ULK4: variants seen among roughly 807,000 people sequenced by gnomAD.
The protein encoded by ULK4 is inactive serine/threonine-protein kinase ULK4.
ULK4 carries 133 observed loss-of-function variants against 160.6 expected under a neutral mutation model. That is an observed-to-expected ratio of 0.83 (90% CI 0.72 to 0.96). ULK4 has a LOEUF of 0.96. Ranked by LOEUF, ULK4 falls within the 40% of genes least tolerant of loss-of-function variation. The probability of loss-of-function intolerance (pLI) is 0.00; values close to 1 mark genes in which losing one functional copy is unlikely to be tolerated. For missense variants in ULK4, 1,580 were observed against 1,499.5 expected, an observed-to-expected ratio of 1.05 and a Z score of -0.89; for synonymous variants, 534 against 539.8, an observed-to-expected ratio of 0.99 and a Z score of 0.15.
chr3:41,515,191 A>AG (rs1684953059), intron 32 of ULK4, among the ~76,000 whole-genome samples: 1 of 152,020 alleles, frequency 6.6e-6, no homozygotes, highest in Admixed American at 6.6e-5. Flanking sequence ...CGGGAGGTGG[A>AG]GGTTGCAGTG....
rs541058594 is a variant in ULK4, at chr3:41,512,206, CT to C, written c.3227-48954del. Among the ~76,000 whole-genome samples the C allele has an allele frequency of 1.5e-3, 221 of 152,262 alleles. 2 individuals carry two copies. The South Asian group carries it at 0.024, about 17-fold the overall frequency. On this transcript the variant is annotated intron_variant, in intron 32 of 36. Coordinates refer to ENST00000301831, the MANE Select transcript of ULK4 (RefSeq NM_017886.4). ...CAGGGAAAAGTTGAAAGCATTCCCCCTGAGAACTGGAACAAGACAAGGATCC... is the reference window on the plus strand; with the variant it reads ...CAGGGAAAAGTTGAAAGCATTCCCCCGAGAACTGGAACAAGACAAGGATCC...
At chr3:41,599,616 G>A (rs945599886) in intron 31 of ULK4, among the ~76,000 whole-genome samples, 10 of 145,236 alleles carry the variant, frequency 6.9e-5, no homozygotes, top group African/African-American at 2.1e-4. Context: ...CCAGGCTAGA[G>A]TTCAGTGGCG....
chr3:41,705,417 A>AC, intron 25 of ULK4, 112 bp from the exon 26 acceptor site: 1 of 679,818 alleles, frequency 1.5e-6, no homozygotes, highest in Non-Finnish European at 2.5e-6. Flanking sequence ...TAACTCATAG[A>AC]CAGTATTAAA....
At chr3:41,466,102 T>G (rs79409726) in intron 32 of ULK4, among the ~76,000 whole-genome samples, 1 of 152,162 alleles carries the variant, frequency 6.6e-6, no homozygotes, top group Admixed American at 6.5e-5. Flanking sequence ...TGTCCTATCT[T>G]TGGCCACTAA....
At chr3:41,629,309 G>A (rs1001691622) in intron 30 of ULK4, among the ~76,000 whole-genome samples, 1 of 152,154 alleles carries the variant, frequency 6.6e-6, no homozygotes, top group Non-Finnish European at 1.5e-5. Flanking sequence ...TGGCACCTGG[G>A]CTGGGATGAT....
intron 32 of ULK4, among the ~76,000 whole-genome samples, chr3:41,541,172 A>C (rs1361364808): frequency 6.6e-6 from 1 of 152,120 alleles, no homozygotes; most frequent in Admixed American, 6.6e-5. Flanking sequence ...TCTTACATTG[A>C]AGTCTTTAAT....
At chr3:41,316,031 G>C (rs9848743) in intron 35 of ULK4, among the ~76,000 whole-genome samples, 39,954 of 152,014 alleles carry the variant, frequency 0.26, 8,123 homozygotes, top group African/African-American at 0.57. Flanking sequence ...AGGAATTCCA[G>C]TCACAGGTAT....
At chr3:41,530,546 C>G (rs2086271838) in intron 32 of ULK4, among the ~76,000 whole-genome samples, 1 of 152,056 alleles carries the variant, frequency 6.6e-6, no homozygotes, top group Non-Finnish European at 1.5e-5. Context: ...CTACCCCCGC[C>G]TAAACTGACC....
intron 17 of ULK4, among the ~76,000 whole-genome samples, chr3:41,876,322 C>T (rs1247775672): frequency 6.6e-6 from 1 of 152,142 alleles, no homozygotes; most frequent in African/African-American, 2.4e-5. Flanking sequence ...AAATTAAATA[C>T]TCCTATCTTC....
intron 35 of ULK4, among the ~76,000 whole-genome samples, chr3:41,393,982 G>A (rs576100951): frequency 1.3e-5 from 2 of 152,244 alleles, no homozygotes; most frequent in Non-Finnish European, 2.9e-5. Context: ...CTATAAAATG[G>A]TAATAATCTG....
intron 19 of ULK4, among the ~76,000 whole-genome samples, chr3:41,817,058 T>TG (rs2040989799): frequency 2.0e-5 from 3 of 147,750 alleles, no homozygotes; most frequent in Admixed American, 2.0e-4. Flanking sequence ...CTCAGTGATG[T>TG]GGGGAAACTG....
intron 32 of ULK4, among the ~76,000 whole-genome samples, chr3:41,491,985 G>C (rs2084789385): frequency 6.7e-6 from 1 of 149,710 alleles, no homozygotes; most frequent in Non-Finnish European, 1.5e-5. Flanking sequence ...TGTGGTGTTT[G>C]GTTTTTTGTC....
intron 20 of ULK4, among the ~76,000 whole-genome samples, chr3:41,796,485 G>A (rs13324552): frequency 0.054 from 8,224 of 152,024 alleles, 411 homozygotes; most frequent in East Asian, 0.16. Flanking sequence ...CCAGCTATTC[G>A]GGAAGCTGAG....
At chr3:41,940,830 G>A (rs1690351225) in intron 2 of ULK4, among the ~76,000 whole-genome samples, 2 of 152,010 alleles carry the variant, frequency 1.3e-5, no homozygotes, top group Admixed American at 6.6e-5. Context: ...TGGATCATAA[G>A]AATACTTGTG....
chr3:41,620,278 G>C (rs2033179380), intron 30 of ULK4, among the ~76,000 whole-genome samples: 1 of 152,060 alleles, frequency 6.6e-6, no homozygotes, highest in Non-Finnish European at 1.5e-5. Context: ...GCATCATCCT[G>C]ATACCAAAAC....
intron 17 of ULK4, among the ~76,000 whole-genome samples, chr3:41,877,761 C>G (rs1318566780): frequency 1.3e-5 from 2 of 151,998 alleles, no homozygotes; most frequent in Admixed American, 1.3e-4. Flanking sequence ...GTGGGTGGAT[C>G]ACCTGAGGTC....
chr3:41,871,895 A>C (rs1262989255), intron 17 of ULK4, among the ~76,000 whole-genome samples: 2 of 152,120 alleles, frequency 1.3e-5, no homozygotes, highest in Admixed American at 6.6e-5. Flanking sequence ...GTTATGTCTA[A>C]AATCTCTTTA....
At chr3:41,642,340 T>TC (rs1217195081) in intron 30 of ULK4, among the ~76,000 whole-genome samples, 2 of 151,594 alleles carry the variant, frequency 1.3e-5, no homozygotes, top group Non-Finnish European at 2.9e-5. Flanking sequence ...CCCTCCCTAC[T>TC]CCCCCCACCC....
chr3:41,400,767 T>C (rs575440411), intron 34 of ULK4, among the ~76,000 whole-genome samples: 1 of 152,314 alleles, frequency 6.6e-6, no homozygotes, highest in South Asian at 2.1e-4. Flanking sequence ...CTAAGGCAGC[T>C]GTAGCGTTTT....
Sources: gnomAD v4.1 joint callset for allele counts (sites outside exome capture counted in the v4.1 genomes callset) on GRCh38, gnomAD v4.1.1 for gene constraint, MANE v1.5 for transcripts, NCBI Gene and HGNC (gene_info 2026-07-23, HGNC 2026-07-21) for gene names.